SEMA5A: variants seen among roughly 807,000 people sequenced by gnomAD.
SEMA5A encodes semaphorin-5A.
A neutral mutation model predicts 135.5 loss-of-function variants in SEMA5A; 55 were observed. That is an observed-to-expected ratio of 0.41 (90% confidence interval 0.33 to 0.51). SEMA5A has a LOEUF of 0.51. SEMA5A is among the 20% of genes least tolerant of loss of function. The pLI is 0.37. For missense variants in SEMA5A, 1,290 were observed against 1,419.9 expected (o/e 0.91, Z 1.47); for synonymous variants, 580 against 546.5 (o/e 1.06, Z -0.85).
intron 11 of SEMA5A, among the ~76,000 whole-genome samples, chr5:9,168,819 T>C (rs1341384855): frequency 1.3e-5 from 2 of 152,206 alleles, no homozygotes; most frequent in Admixed American, 1.3e-4. Context: ...GAACAAAGGC[T>C]TAAATGCTCC....
At position 9,143,036 on chromosome 5, in the gene SEMA5A, C is replaced by A. The variant is rs554829285; in HGVS notation, c.1482-6415G>T. On this transcript the variant is annotated intron_variant, in intron 12 of 22. Transcript: ENST00000382496. ...GTAGACAATAGCCTTCCTGAGACAT[C>A]CACAGATCCTTCAATTGGTAAATCC... Among the ~76,000 whole-genome samples the A allele has an allele frequency of 5.3e-5, 8 of 152,264 alleles. No homozygotes were observed. In the South Asian group the frequency reaches 1.7e-3, roughly 32 times the overall value.
chr5:9,497,869 GC>G (rs371712321), intron 1 of SEMA5A, among the ~76,000 whole-genome samples: 8 of 152,174 alleles, frequency 5.3e-5, no homozygotes, highest in African/African-American at 1.9e-4. Context: ...TTGACTCTTG[GC>G]TACTGCTTAG....
At chr5:9,128,960 A>G (rs1741259699) in intron 13 of SEMA5A, among the ~76,000 whole-genome samples, 1 of 152,188 alleles carries the variant, frequency 6.6e-6, no homozygotes, top group Admixed American at 6.5e-5. Context: ...ATGTCTCCAG[A>G]CATTGCTAAA....
intron 11 of SEMA5A, among the ~76,000 whole-genome samples, chr5:9,181,561 C>A (rs1744511348): frequency 6.6e-6 from 1 of 152,118 alleles, no homozygotes; most frequent in Non-Finnish European, 1.5e-5. Context: ...CTCTTGGTTC[C>A]CTTTGGTGCT....
chr5:9,069,130 C>T (rs1737636851), intron 16 of SEMA5A, among the ~76,000 whole-genome samples: 1 of 152,168 alleles, frequency 6.6e-6, no homozygotes, highest in Admixed American at 6.5e-5. Flanking sequence ...TTCAGATTCC[C>T]CCAAGGAAGC....
chr5:9,113,667 G>A (rs887689200), intron 15 of SEMA5A, among the ~76,000 whole-genome samples: 4 of 152,148 alleles, frequency 2.6e-5, no homozygotes, highest in African/African-American at 9.7e-5. Flanking sequence ...CTATAAATAA[G>A]ATACACTAAT....
intron 1 of SEMA5A, among the ~76,000 whole-genome samples, chr5:9,536,466 A>T (rs1320129300): frequency 1.3e-5 from 2 of 152,100 alleles, no homozygotes; most frequent in Non-Finnish European, 2.9e-5. Context: ...TACAAAAATT[A>T]GCTGGGCATG....
intron 8 of SEMA5A, among the ~76,000 whole-genome samples, chr5:9,209,765 G>A (rs1441236274): frequency 6.6e-6 from 1 of 152,126 alleles, no homozygotes; most frequent in African/African-American, 2.4e-5. Flanking sequence ...AAATGTCAGA[G>A]GCCCTTGACT....
chr5:9,134,210 A>G (rs1309287513), intron 13 of SEMA5A, among the ~76,000 whole-genome samples: 1 of 152,170 alleles, frequency 6.6e-6, no homozygotes, highest in Non-Finnish European at 1.5e-5. Flanking sequence ...AAGTGGCATG[A>G]TCTCGGTTCA....
At chr5:9,388,906 A>AAAAAAAAG (rs386402990) in intron 2 of SEMA5A, among the ~76,000 whole-genome samples, 5 of 151,976 alleles carry the variant, frequency 3.3e-5, no homozygotes, top group Non-Finnish European at 5.9e-5. Context: ...CTCAAAAAAA[A>AAAAAAAAG]AAAGAAAGAA....
chr5:9,077,045 T>C (rs1033378678), intron 16 of SEMA5A, among the ~76,000 whole-genome samples: 1 of 152,146 alleles, frequency 6.6e-6, no homozygotes, highest in Non-Finnish European at 1.5e-5. Flanking sequence ...TCCATGGGAT[T>C]TGGAGAAGTG....
chr5:9,120,784 A>ATTT (rs11458510), intron 14 of SEMA5A, among the ~76,000 whole-genome samples: 19,290 of 146,170 alleles, frequency 0.13, 1,957 homozygotes, highest in East Asian at 0.32. Flanking sequence ...ATGTGGATTG[A>ATTT]TTTTTTTTTT....
chr5:9,368,251 A>G (rs1326608582), intron 3 of SEMA5A, among the ~76,000 whole-genome samples: 2 of 152,180 alleles, frequency 1.3e-5, no homozygotes, highest in African/African-American at 4.8e-5. Flanking sequence ...GTTCTCACAT[A>G]ATGCTTGGAC....
chr5:9,264,731 C>T (rs977997010), intron 5 of SEMA5A, among the ~76,000 whole-genome samples: 1 of 152,114 alleles, frequency 6.6e-6, no homozygotes, highest in Non-Finnish European at 1.5e-5. Flanking sequence ...GGAATGGCAA[C>T]ATAAAAAAGG....
At chr5:9,279,441 G>C (rs1033955248) in intron 5 of SEMA5A, among the ~76,000 whole-genome samples, 1 of 152,146 alleles carries the variant, frequency 6.6e-6, no homozygotes, top group Non-Finnish European at 1.5e-5. Context: ...CTTTGGACCT[G>C]GATTTTTGAG....
chr5:9,527,149 G>A lies in SEMA5A; in HGVS notation c.-175+18435C>T, dbSNP rs550375309. ...ACCTTGAATCCTGACAGAGTGGGAG[G>A]AGTGAGCACTTACCAGGTCCCGAGT... On this transcript the variant is annotated intron_variant, in intron 1 of 22. Transcript: ENST00000382496. 7.2e-5 allele frequency among the ~76,000 whole-genome samples: 11 copies of A among 152,260 alleles called. No individual in the cohort carries two copies. The East Asian group carries it at 2.1e-3, about 29-fold the overall frequency.
At chr5:9,043,234 TAA>T in intron 22 of SEMA5A, 1 of 432,946 alleles carries the variant, frequency 2.3e-6, no homozygotes, top group East Asian at 4.0e-5. Flanking sequence ...ATCTTCTGGT[TAA>T]GTTTTCAACT....
chr5:9,309,663 G>A (rs1752033661), intron 5 of SEMA5A, among the ~76,000 whole-genome samples: 1 of 152,066 alleles, frequency 6.6e-6, no homozygotes, highest in South Asian at 2.1e-4. Context: ...CACTTGCGAG[G>A]GAGGAATAAG....
At chr5:9,347,471 T>C (rs911458868) in intron 3 of SEMA5A, among the ~76,000 whole-genome samples, 1 of 152,228 alleles carries the variant, frequency 6.6e-6, no homozygotes, top group South Asian at 2.1e-4. Context: ...TGATAGCTCC[T>C]TTTTACTCGA....
Sources: gnomAD v4.1 joint callset for allele counts (sites outside exome capture counted in the v4.1 genomes callset) on GRCh38, gnomAD v4.1.1 for gene constraint, MANE v1.5 for transcripts, NCBI Gene and HGNC (gene_info 2026-07-23, HGNC 2026-07-21) for gene names.